The following KCNMA1 variants were observed in gnomAD, a reference collection of about 807,000 sequenced individuals.
The protein encoded by KCNMA1 is Calcium-activated potassium channel subunit alpha-1.
A neutral mutation model predicts 140.0 loss-of-function variants in KCNMA1; 29 were observed. That is an observed-to-expected ratio of 0.21 (90% CI 0.15 to 0.28). The LOEUF (loss-of-function observed/expected upper bound fraction) is 0.28, where lower values mean the gene tolerates loss of function less well. KCNMA1 is among the 10% of genes least tolerant of loss of function. The pLI, the probability that KCNMA1 is intolerant of heterozygous loss-of-function variation, is 1.00. For synonymous variants in KCNMA1, 612 were observed against 611.9 expected (o/e 1.00, Z 0.00); for missense variants, 880 against 1,602.2 (o/e 0.55, Z 7.70).
At position 77,161,315 on chromosome 10, in the gene KCNMA1, A is replaced by C. The variant is rs375306579; in HGVS notation, c.808+22106T>G. ...CAGGCTGGGGTACAGCGGCATGATTATGGCTCTGAGCAGCCTCAACCTCTT... is the reference window on the plus strand; with the variant it reads ...CAGGCTGGGGTACAGCGGCATGATTCTGGCTCTGAGCAGCCTCAACCTCTT... On this transcript the variant is annotated intron_variant, in intron 5 of 27. Transcript: ENST00000286628. Among the ~76,000 whole-genome samples the C allele has an allele frequency of 5.3e-5, 8 of 152,236 alleles. No individual in the cohort carries two copies. The East Asian group carries it at 1.2e-3, about 22-fold the overall frequency.
intron 19 of KCNMA1, chr10:76,977,446 C>G (rs1394679049): frequency 2.3e-5 from 15 of 654,676 alleles, no homozygotes; most frequent in Non-Finnish European, 3.9e-5. Context: ...TGTTGGTTTA[C>G]CAGCCATCCC....
At chr10:76,936,467 C>T (rs2060583636) in intron 23 of KCNMA1, among the ~76,000 whole-genome samples, 1 of 152,150 alleles carries the variant, frequency 6.6e-6, no homozygotes, top group South Asian at 2.1e-4. Context: ...AAGCCAACAG[C>T]AGTTTCAGTT....
intron 2 of KCNMA1, among the ~76,000 whole-genome samples, chr10:77,400,150 G>A (rs771123455): frequency 2.7e-4 from 41 of 152,246 alleles, no homozygotes; most frequent in Non-Finnish European, 4.8e-4. Context: ...TTCTGAACAG[G>A]CAGTGCTGCT....
At chr10:77,194,748 C>G (rs2039870614) in intron 3 of KCNMA1, among the ~76,000 whole-genome samples, 1 of 151,824 alleles carries the variant, frequency 6.6e-6, no homozygotes, top group Non-Finnish European at 1.5e-5. Context: ...CACACAAGCC[C>G]CTCAGCAGGG....
In KCNMA1 at chr10:77,086,475, T is replaced by G; in HGVS notation, c.1440+13A>C. 1 of 1,581,998 alleles carries G rather than the reference T, an allele frequency of 6.3e-7. No individual in the cohort carries two copies. The highest frequency in any genetic ancestry group is 1.7e-4 in the Middle Eastern group (1 of 5,996). On this transcript the variant is annotated intron_variant, in intron 11 of 27. Coordinates refer to ENST00000286628, the MANE Select transcript of KCNMA1 (RefSeq NM_001161352.2). Reference sequence around the variant, plus strand: ...AGATGGAATAAAAGCAGAAGTCACCTCTTCCTCCTTACCTTGACTCTTGCA... The same window carrying G: ...AGATGGAATAAAAGCAGAAGTCACCGCTTCCTCCTTACCTTGACTCTTGCA...
intron 2 of KCNMA1, among the ~76,000 whole-genome samples, chr10:77,323,764 T>C (rs1376246698): frequency 6.6e-6 from 1 of 152,194 alleles, no homozygotes; most frequent in Non-Finnish European, 1.5e-5. Flanking sequence ...ACCCTAGCAG[T>C]CAAGTTCCAT....
At chr10:77,369,060 T>G (rs1396267519) in intron 2 of KCNMA1, among the ~76,000 whole-genome samples, 1 of 152,250 alleles carries the variant, frequency 6.6e-6, no homozygotes, top group East Asian at 1.9e-4. Context: ...TAGAAATTGG[T>G]TTGTTTATAT....
chr10:77,439,823 G>T lies in KCNMA1; in HGVS notation c.379-35800C>A, dbSNP rs76697480. Among the ~76,000 whole-genome samples the T allele has an allele frequency of 3.3e-5, 5 of 152,258 alleles. No homozygotes were observed. In the South Asian group the frequency reaches 1.0e-3, roughly 32 times the overall value. ...GAGGTTTCCCACCTGGGGCCTCTTCGTACACCTCAAGGGGATACCATGCCC... is the reference window on the plus strand; with the variant it reads ...GAGGTTTCCCACCTGGGGCCTCTTCTTACACCTCAAGGGGATACCATGCCC... On this transcript the variant is annotated intron_variant, in intron 1 of 27. Transcript: ENST00000286628.
At chr10:77,245,332 T>G (rs2058317130) in intron 3 of KCNMA1, among the ~76,000 whole-genome samples, 1 of 152,142 alleles carries the variant, frequency 6.6e-6, no homozygotes, top group African/African-American at 2.4e-5. Context: ...AAGGGGATAG[T>G]GAAAGCTGGT....
chr10:77,008,046 A>T lies in KCNMA1; in HGVS notation c.2092+3921T>A, dbSNP rs2089626946. 6.1e-6 allele frequency: 5 copies of T among 819,936 alleles called. No individual in the cohort carries two copies. In the Admixed American group the frequency reaches 9.2e-5, roughly 15 times the overall value. 50.8% of individuals were successfully genotyped at this position (819,936 alleles called of 1,614,324 possible). ...CATTGGGGGATGAAGGAGTTGGGGC[A>T]TGATGTCACTGCTACATGCAACATA... is the stretch of plus-strand genomic sequence containing the variant. On this transcript the variant is annotated intron_variant, in intron 18 of 27. Coordinates refer to ENST00000286628, the MANE Select transcript of KCNMA1 (RefSeq NM_001161352.2).
intron 2 of KCNMA1, among the ~76,000 whole-genome samples, chr10:77,326,401 T>C (rs561864060): frequency 6.6e-6 from 1 of 152,332 alleles, no homozygotes; most frequent in South Asian, 2.1e-4. Context: ...CAAGGATGGT[T>C]CACAATAGAT....
chr10:77,482,375 G>T (rs961387153), intron 1 of KCNMA1, among the ~76,000 whole-genome samples: 7 of 152,238 alleles, frequency 4.6e-5, no homozygotes, highest in Non-Finnish European at 1.0e-4. Context: ...AAGGAAAGAA[G>T]GGCTGTGGGG....
rs183542420 is a variant in KCNMA1, at chr10:77,438,370, C to A, written c.379-34347G>T. Among the ~76,000 whole-genome samples, 7 of 152,014 alleles carry A rather than the reference C, an allele frequency of 4.6e-5. No homozygotes were observed. In the East Asian group the frequency reaches 1.4e-3, roughly 30 times the overall value. On this transcript the variant is annotated intron_variant, in intron 1 of 27. Transcript: ENST00000286628. ...TCACCTGAGGTCAGGAGTTCGAGAC[C>A]AGCCTCAATTAGGAGAAACCCCGTC...
At chr10:76,953,151 G>A (rs901874291) in intron 21 of KCNMA1, among the ~76,000 whole-genome samples, 1 of 152,176 alleles carries the variant, frequency 6.6e-6, no homozygotes, top group Non-Finnish European at 1.5e-5. Context: ...TCCCCAAGGG[G>A]ACTGTAGTTC....
In KCNMA1 at chr10:76,934,885, C is replaced by T. The variant is rs550437147; in HGVS notation, c.2902+9888G>A. Among the ~76,000 whole-genome samples, 37 of 152,258 alleles carry T rather than the reference C, an allele frequency of 2.4e-4. No individual in the cohort carries two copies. In the South Asian group the frequency reaches 6.6e-3, roughly 27 times the overall value. On this transcript the variant is annotated intron_variant, in intron 23 of 27. Transcript: ENST00000286628. Reference sequence around the variant, plus strand: ...TCTCATCTGCTGTCACGGAAACTTCCGCTTGAGCATGGAAGGAGTAAATAA... The same window carrying T: ...TCTCATCTGCTGTCACGGAAACTTCTGCTTGAGCATGGAAGGAGTAAATAA...
intron 1 of KCNMA1, among the ~76,000 whole-genome samples, chr10:77,408,166 A>G (rs1181008247): frequency 3.9e-5 from 6 of 152,180 alleles, no homozygotes; most frequent in Non-Finnish European, 8.8e-5. Context: ...AGGACCAGGG[A>G]GAGGCTGCCT....
At chr10:77,185,427 G>A (rs2098841182) in intron 3 of KCNMA1, among the ~76,000 whole-genome samples, 1 of 152,034 alleles carries the variant, frequency 6.6e-6, no homozygotes, top group Admixed American at 6.6e-5. Flanking sequence ...AATAAATTCA[G>A]GACCCAGGAG....
chr10:77,014,263 T>A (rs1388217344), intron 17 of KCNMA1, among the ~76,000 whole-genome samples: 2 of 151,932 alleles, frequency 1.3e-5, no homozygotes, highest in Non-Finnish European at 2.9e-5. Flanking sequence ...CTGTCTCTAC[T>A]AAAAATAAAA....
intron 5 of KCNMA1, among the ~76,000 whole-genome samples, chr10:77,132,946 C>T (rs564950331): frequency 2.0e-5 from 3 of 151,940 alleles, no homozygotes; most frequent in African/African-American, 7.2e-5. Flanking sequence ...TAAATAATAA[C>T]AATGATCCAA....
Sources: allele counts gnomAD v4.1 joint callset (sites outside exome capture counted in the v4.1 genomes callset), GRCh38; gene constraint gnomAD v4.1.1; transcripts MANE v1.5; gene names NCBI Gene and HGNC (gene_info 2026-07-23, HGNC 2026-07-21).